The following MGAT4C variants were observed in gnomAD, a reference collection of about 807,000 sequenced individuals.
MGAT4C encodes alpha-1,3-mannosyl-glycoprotein 4-beta-N-acetylglucosaminyltransferase C.
In MGAT4C, 19 loss-of-function variants were observed where a neutral mutation model predicts 40.1. That is an observed-to-expected ratio of 0.47 (90% confidence interval 0.33 to 0.70). MGAT4C has a LOEUF of 0.70. Among genes scored for constraint, MGAT4C ranks in the 30% least tolerant of loss-of-function variants. MGAT4C has a pLI of 0.02. For missense variants in MGAT4C, 491 were observed against 563.2 expected, an observed-to-expected ratio of 0.87 and a Z score of 1.30; for synonymous variants, 181 against 187.1, an observed-to-expected ratio of 0.97 and a Z score of 0.27.
At chr12:86,784,683 G>A (rs1325060020) in intron 1 of MGAT4C, among the ~76,000 whole-genome samples, 2 of 151,432 alleles carry the variant, frequency 1.3e-5, no homozygotes, top group African/African-American at 4.8e-5. Flanking sequence ...AAAAAAAGGA[G>A]GCTAGATTAG....
intron 1 of MGAT4C, among the ~76,000 whole-genome samples, chr12:86,148,078 C>A (rs1883789734): frequency 6.6e-6 from 1 of 152,122 alleles, no homozygotes; most frequent in Non-Finnish European, 1.5e-5. Context: ...TGAAGCATTT[C>A]ATAAAGAACT....
At chr12:86,776,776 G>T (rs545937419) in intron 1 of MGAT4C, among the ~76,000 whole-genome samples, 1 of 152,054 alleles carries the variant, frequency 6.6e-6, no homozygotes, top group African/African-American at 2.4e-5. Context: ...TTTTGTACAC[G>T]TTAGATTACT....
chr12:86,426,847 T>C (rs1956935245), intron 3 of MGAT4C, among the ~76,000 whole-genome samples: 1 of 152,048 alleles, frequency 6.6e-6, no homozygotes, highest in South Asian at 2.1e-4. Context: ...CTCGGGAGGC[T>C]GAGGCAGGAG....
intron 1 of MGAT4C, among the ~76,000 whole-genome samples, chr12:86,195,162 AC>A (rs562712264): frequency 2.0e-5 from 3 of 152,194 alleles, no homozygotes; most frequent in African/African-American, 7.2e-5. Flanking sequence ...CAGTATCTGG[AC>A]CCTTTACATA....
At chr12:86,479,220 T>C (rs921462443) in intron 2 of MGAT4C, among the ~76,000 whole-genome samples, 4 of 152,000 alleles carry the variant, frequency 2.6e-5, no homozygotes, top group African/African-American at 7.2e-5. Context: ...AAGATTTCTG[T>C]TCTTAAAAGT....
chr12:86,278,904 A>G lies in MGAT4C; in HGVS notation c.-57+55161T>C, dbSNP rs189521544. Among the ~76,000 whole-genome samples, 196 of 152,206 alleles carry G rather than the reference A, an allele frequency of 1.3e-3. 1 individual carries two copies. In the Middle Eastern group the frequency reaches 0.014, roughly 11 times the overall value. ...CATGAAGTAATGTTGAATTTTATCA[A>G]ATGTTTTTTAGCAACAGTTGAAATT... On this transcript the variant is annotated intron_variant, in intron 4 of 7. Coordinates refer to the MGAT4C transcript ENST00000548651.
intron 1 of MGAT4C, among the ~76,000 whole-genome samples, chr12:86,245,950 T>C (rs1361379601): frequency 1.3e-5 from 2 of 152,174 alleles, no homozygotes; most frequent in South Asian, 2.1e-4. Flanking sequence ...GTTTACACCA[T>C]TATACAGTTT....
intron 2 of MGAT4C, among the ~76,000 whole-genome samples, chr12:86,709,538 T>C (rs776540805): frequency 2.0e-5 from 3 of 152,130 alleles, no homozygotes; most frequent in African/African-American, 7.2e-5. Context: ...TAAGCATATA[T>C]AGAAGATTTG....
chr12:86,723,413 A>T (rs1182190047), intron 2 of MGAT4C, among the ~76,000 whole-genome samples: 1 of 152,172 alleles, frequency 6.6e-6, no homozygotes, highest in Non-Finnish European at 1.5e-5. Context: ...GAAGTTTGAA[A>T]TCAAGATGGC....
intron 1 of MGAT4C, among the ~76,000 whole-genome samples, chr12:86,200,781 C>T (rs1472575208): frequency 2.0e-5 from 3 of 152,114 alleles, no homozygotes; most frequent in Non-Finnish European, 4.4e-5. Flanking sequence ...CCCAATGTGA[C>T]TGTATTTAGA....
chr12:86,636,269 GT>G, intron 2 of MGAT4C, among the ~76,000 whole-genome samples: 1 of 152,086 alleles, frequency 6.6e-6, no homozygotes, highest in Non-Finnish European at 1.5e-5. Context: ...CTTGGCTTGT[GT>G]TTTTGTAGAG....
At chr12:86,594,355 T>G (rs543276880) in intron 2 of MGAT4C, among the ~76,000 whole-genome samples, 14 of 152,206 alleles carry the variant, frequency 9.2e-5, no homozygotes, top group South Asian at 2.1e-4. Context: ...TTTAAAAAAA[T>G]AAGTGTTTCT....
intron 2 of MGAT4C, among the ~76,000 whole-genome samples, chr12:86,556,727 T>A (rs1325307969): frequency 6.6e-6 from 1 of 152,212 alleles, no homozygotes; most frequent in Non-Finnish European, 1.5e-5. Flanking sequence ...CCCATTGTTT[T>A]TCTTTTAAGT....
At chr12:86,294,363 CTT>C (rs35353980) in intron 4 of MGAT4C, among the ~76,000 whole-genome samples, 1,870 of 149,780 alleles carry the variant, frequency 0.012, 16 homozygotes, top group Middle Eastern at 0.028. Context: ...ACTAAAACTC[CTT>C]TTTTTTTTTA....
At position 86,586,912 on chromosome 12, in the gene MGAT4C, C is replaced by T. The variant is rs556926737; in HGVS notation, c.-229+140297G>A. 5.5e-3 allele frequency among the ~76,000 whole-genome samples: 830 copies of T among 152,184 alleles called. 4 individuals carry two copies. Among genetic ancestry groups the T allele is most frequent in the Non-Finnish European group, 9.2e-3 (623 of 68,006 alleles). Reference sequence around the variant, plus strand: ...TCCCATTTTGTGGGTTGCCTGTTCACTCTGAGGGTAGTTTCTTTTGCTGTG... The same window carrying T: ...TCCCATTTTGTGGGTTGCCTGTTCATTCTGAGGGTAGTTTCTTTTGCTGTG... On this transcript the variant is annotated intron_variant, in intron 2 of 7. Coordinates refer to the MGAT4C transcript ENST00000548651.
At chr12:86,143,028 G>T (rs998224155) in intron 1 of MGAT4C, among the ~76,000 whole-genome samples, 1 of 152,120 alleles carries the variant, frequency 6.6e-6, no homozygotes, top group Non-Finnish European at 1.5e-5. Flanking sequence ...GCCAAACAGC[G>T]ATTGTCTATG....
intron 3 of MGAT4C, among the ~76,000 whole-genome samples, chr12:86,399,689 G>A (rs923801645): frequency 3.3e-5 from 5 of 152,116 alleles, no homozygotes; most frequent in Admixed American, 2.6e-4. Context: ...CTGGACAGCT[G>A]AACTACTGGG....
rs1365343615 is a variant in MGAT4C, at chr12:85,956,794, A to G, written c.*22495T>C. The stretch of plus-strand genomic sequence containing the variant: ...AGACTAGAGAAACATAATTTATGAC[A>G]TGAGATTGAAGGTGACTCTGAATCA... On this transcript the variant is annotated 3_prime_UTR_variant, in exon 5 of 5. Coordinates refer to ENST00000611864, the MANE Select transcript of MGAT4C (RefSeq NM_001351288.2). 1 of 152,148 alleles carries G rather than the reference A, an allele frequency of 6.6e-6. No individual in the cohort carries two copies. The highest frequency in any genetic ancestry group is 1.5e-5 in the Non-Finnish European group (1 of 68,006). 9.4% of individuals were successfully genotyped at this position (152,148 alleles called of 1,614,324 possible). A position where few individuals can be genotyped will look rare whatever the true frequency, so the allele number is the denominator to read the frequency against.
intron 1 of MGAT4C, among the ~76,000 whole-genome samples, chr12:86,205,324 TTA>T (rs1348718417): frequency 1.3e-5 from 1 of 79,180 alleles, no homozygotes; most frequent in African/African-American, 3.8e-5. Context: ...TTCTTGAAAA[TTA>T]TAGTTAGTTT....
Sources: gnomAD v4.1 joint callset for allele counts (sites outside exome capture counted in the v4.1 genomes callset) on GRCh38, gnomAD v4.1.1 for gene constraint, MANE v1.5 for transcripts, NCBI Gene and HGNC (gene_info 2026-07-23, HGNC 2026-07-21) for gene names.